NARS2: variants seen among roughly 807,000 people sequenced by gnomAD.
NARS2 encodes the protein asparaginyl-tRNA synthetase 2, mitochondrial.
In NARS2, 60 loss-of-function variants were observed where a neutral mutation model predicts 62.9. The observed-to-expected ratio is 0.95, with a 90% CI of 0.77 to 1.18. The LOEUF (loss-of-function observed/expected upper bound fraction) is 1.18, where lower values mean the gene tolerates loss of function less well. NARS2 is among the 50% of genes most tolerant of loss of function. The pLI is 0.00. For synonymous variants in NARS2, 196 were observed against 200.0 expected, an observed-to-expected ratio of 0.98 and a Z score of 0.17; for missense variants, 619 against 576.4, an observed-to-expected ratio of 1.07 and a Z score of -0.76.
At chr11:78,526,752 G>C (rs1272568962) in intron 6 of NARS2, among the ~76,000 whole-genome samples, 7 of 152,086 alleles carry the variant, frequency 4.6e-5, no homozygotes, top group African/African-American at 1.7e-4. Flanking sequence ...TATTATAATA[G>C]AGAAACAAAC....
chr11:78,566,214 T>C lies in NARS2; in HGVS notation c.431A>G (p.His144Arg), dbSNP rs201766871. The C allele has an allele frequency of 5.3e-5, 86 of 1,612,270 alleles. No individual in the cohort carries two copies. Among genetic ancestry groups the C allele is most frequent in the Non-Finnish European group, 4.9e-5 (58 of 1,178,756 alleles). Residue 144 changes from histidine to arginine, a missense_variant, in exon 4 of 14, where the codon CAC becomes CGC. Physicochemically the swap from His to Arg is conservative, Grantham distance 29 (BLOSUM62 0). Transcript: ENST00000281038. Reference sequence around the variant, plus strand: ...CAGAACGTTAGTCCTACACCTAAAGTGAGGATATTGTCGCAGATACTCCAG... The same window carrying C: ...CAGAACGTTAGTCCTACACCTAAAGCGAGGATATTGTCGCAGATACTCCAG... ...HPLEYLRQYP[H>R]FRCRTNVLGS...
At chr11:78,504,730 G>A (rs939776859) in intron 6 of NARS2, among the ~76,000 whole-genome samples, 4 of 151,976 alleles carry the variant, frequency 2.6e-5, no homozygotes, top group African/African-American at 9.7e-5. Context: ...CAGCCTATGA[G>A]GCATTTCTAT....
At chr11:78,469,109 T>G in intron 10 of NARS2, 138 bp downstream of exon 10, 2 of 577,242 alleles carry the variant, frequency 3.5e-6, no homozygotes, top group Admixed American at 2.9e-5. Flanking sequence ...AAATCTTAAG[T>G]CTGTGTACAA....
intron 9 of NARS2, among the ~76,000 whole-genome samples, chr11:78,473,557 C>A (rs979547355): frequency 6.6e-6 from 1 of 152,180 alleles, no homozygotes; most frequent in Non-Finnish European, 1.5e-5. Flanking sequence ...GCATTATCAC[C>A]AACTGAAGAC....
intron 11 of NARS2, among the ~76,000 whole-genome samples, chr11:78,444,722 C>CAAAGAA (rs1565202510): frequency 9.6e-6 from 1 of 104,574 alleles, no homozygotes. Flanking sequence ...CTGTCTCAAA[C>CAAAGAA]AAAACAAAAA....
intron 6 of NARS2, among the ~76,000 whole-genome samples, chr11:78,524,105 A>G (rs1276373784): frequency 6.6e-6 from 1 of 152,104 alleles, no homozygotes; most frequent in Non-Finnish European, 1.5e-5. Context: ...ACTTCTGTGT[A>G]TTAACTACAA....
chr11:78,458,949 C>T (rs948736357), intron 11 of NARS2, among the ~76,000 whole-genome samples: 6 of 150,202 alleles, frequency 4.0e-5, no homozygotes, highest in African/African-American at 4.9e-5. Context: ...GATGGAGTCT[C>T]GCTCTGTTGC....
At chr11:78,459,912 G>C (rs1303344149) in intron 11 of NARS2, among the ~76,000 whole-genome samples, 1 of 152,222 alleles carries the variant, frequency 6.6e-6, no homozygotes, top group Non-Finnish European at 1.5e-5. Context: ...TACGACTGCA[G>C]CATCTAACAG....
rs371953159 is a variant in NARS2, at chr11:78,522,700, G to C, written c.689+6142C>G. ...AAAATAAAAATGTTTTGCAATTATG[G>C]GGCAAAAAAGATGGCCACTCTTCCT... is the stretch of plus-strand genomic sequence containing the variant. On this transcript the variant is annotated intron_variant, in intron 6 of 13. Transcript: ENST00000281038. Among the ~76,000 whole-genome samples the C allele has an allele frequency of 2.3e-4, 35 of 152,176 alleles. No homozygotes were observed. The East Asian group carries it at 4.8e-3, about 21-fold the overall frequency.
chr11:78,464,132 C>G (rs1353237078), intron 11 of NARS2, among the ~76,000 whole-genome samples: 1 of 152,040 alleles, frequency 6.6e-6, no homozygotes, highest in Non-Finnish European at 1.5e-5. Context: ...AGGAGTGAAG[C>G]TGCAGACCTT....
chr11:78,457,655 A>G (rs1256842236), intron 11 of NARS2, among the ~76,000 whole-genome samples: 1 of 152,226 alleles, frequency 6.6e-6, no homozygotes, highest in African/African-American at 2.4e-5. Flanking sequence ...AAGTCCCAGT[A>G]TAACGCCTTT....
At chr11:78,464,292 G>C (rs970098864) in intron 11 of NARS2, among the ~76,000 whole-genome samples, 3 of 152,158 alleles carry the variant, frequency 2.0e-5, no homozygotes, top group Non-Finnish European at 4.4e-5. Context: ...CCCAAAGAGT[G>C]AGCAGGAGCA....
intron 6 of NARS2, among the ~76,000 whole-genome samples, chr11:78,523,585 G>A (rs1375340218): frequency 6.6e-6 from 1 of 152,182 alleles, no homozygotes; most frequent in Non-Finnish European, 1.5e-5. Context: ...TCTGATAAAT[G>A]AAGCAAAATA....
chr11:78,548,536 G>GCTTA (rs1855965158), intron 5 of NARS2, among the ~76,000 whole-genome samples: 1 of 152,204 alleles, frequency 6.6e-6, no homozygotes. Flanking sequence ...AAATGCTAGT[G>GCTTA]CTTACATCAG....
At chr11:78,571,687 T>A (rs1382148480) in intron 1 of NARS2, 3 of 381,502 alleles carry the variant, frequency 7.9e-6, no homozygotes, top group Non-Finnish European at 1.5e-5. Flanking sequence ...ATGCCTAACA[T>A]TCCTTCATGT....
intron 7 of NARS2, among the ~76,000 whole-genome samples, chr11:78,487,354 TAAA>T (rs764364438): frequency 5.4e-5 from 5 of 92,360 alleles, no homozygotes; most frequent in African/African-American, 7.8e-5. Flanking sequence ...AGGCTCTGTC[TAAA>T]AAAAAAAAAA....
At chr11:78,533,761 C>T (rs1230114174) in intron 5 of NARS2, among the ~76,000 whole-genome samples, 3 of 152,166 alleles carry the variant, frequency 2.0e-5, no homozygotes. Flanking sequence ...CAGTATCATA[C>T]AGAATAGTTT....
At chr11:78,510,435 ATACT>A (rs1421245681) in intron 6 of NARS2, among the ~76,000 whole-genome samples, 26 of 152,346 alleles carry the variant, frequency 1.7e-4, no homozygotes, top group African/African-American at 6.0e-4. Context: ...ACAGTTATAA[ATACT>A]TACATACCTA....
chr11:78,503,273 C>T (rs967673421), intron 6 of NARS2, among the ~76,000 whole-genome samples: 1 of 152,146 alleles, frequency 6.6e-6, no homozygotes, highest in African/African-American at 2.4e-5. Flanking sequence ...CACTGAGCTC[C>T]TTCACCCAGA....
Sources: gnomAD v4.1 joint callset for allele counts (sites outside exome capture counted in the v4.1 genomes callset) on GRCh38, gnomAD v4.1.1 for gene constraint, MANE v1.5 for transcripts, NCBI Gene and HGNC (gene_info 2026-07-23, HGNC 2026-07-21) for gene names.